The following SNTG1 variants were observed in gnomAD, a reference collection of about 807,000 sequenced individuals.
The protein encoded by SNTG1 is syntrophin gamma 1, also known as gamma-1-syntrophin.
SNTG1 carries 39 observed loss-of-function variants against 74.7 expected under a neutral mutation model. The ratio of observed to expected loss-of-function variants is 0.52; its 90% CI spans 0.40 to 0.68. The LOEUF is 0.68. SNTG1 is among the 30% of genes least tolerant of loss of function. The pLI is 0.00. For synonymous variants in SNTG1, 254 were observed against 217.1 expected (o/e 1.17, Z -1.49); for missense variants, 685 against 609.5 (o/e 1.12, Z -1.30).
At chr8:50,601,907 T>C (rs1308490183) in intron 13 of SNTG1, among the ~76,000 whole-genome samples, 1 of 152,178 alleles carries the variant, frequency 6.6e-6, no homozygotes, top group Non-Finnish European at 1.5e-5. Context: ...TGTCTTGAAA[T>C]ATATTTTGTC....
intron 1 of SNTG1, among the ~76,000 whole-genome samples, chr8:50,066,079 GT>G (rs1162752075): frequency 1.3e-5 from 2 of 152,126 alleles, no homozygotes; most frequent in African/African-American, 4.8e-5. Flanking sequence ...GCTGGCCATG[GT>G]GGCACACGCC....
intron 15 of SNTG1, among the ~76,000 whole-genome samples, chr8:50,699,331 G>T (rs912200560): frequency 3.9e-5 from 6 of 152,052 alleles, no homozygotes; most frequent in Non-Finnish European, 7.4e-5. Context: ...AGCTTTTTGG[G>T]AATGAAAGGA....
intron 2 of SNTG1, among the ~76,000 whole-genome samples, chr8:50,265,116 T>C (rs1438910473): frequency 6.6e-6 from 1 of 152,054 alleles, no homozygotes; most frequent in South Asian, 2.1e-4. Context: ...GAGTGAACAC[T>C]CCTAACTCAT....
At chr8:50,715,691 G>T (rs900023570) in intron 17 of SNTG1, among the ~76,000 whole-genome samples, 4 of 152,052 alleles carry the variant, frequency 2.6e-5, no homozygotes, top group Non-Finnish European at 4.4e-5. Context: ...GAGGATGTTT[G>T]TTAAAACCCA....
At chr8:50,491,714 T>C (rs1311708447) in intron 8 of SNTG1, among the ~76,000 whole-genome samples, 3 of 151,910 alleles carry the variant, frequency 2.0e-5, no homozygotes, top group Non-Finnish European at 4.4e-5. Context: ...TATTTATTTA[T>C]TTATTTATTT....
intron 17 of SNTG1, among the ~76,000 whole-genome samples, chr8:50,713,218 G>A (rs1419355131): frequency 1.3e-5 from 2 of 152,038 alleles, no homozygotes; most frequent in Non-Finnish European, 2.9e-5. Flanking sequence ...ATGGTATCAC[G>A]TTGTGGTTTT....
chr8:50,716,006 A>G (rs1234681125), intron 17 of SNTG1, among the ~76,000 whole-genome samples: 4 of 152,148 alleles, frequency 2.6e-5, no homozygotes, highest in Non-Finnish European at 1.5e-5. Context: ...TTAATTTTTA[A>G]AAATCTTTGA....
chr8:50,732,199 G>A (rs187162861), intron 17 of SNTG1, among the ~76,000 whole-genome samples: 1 of 151,822 alleles, frequency 6.6e-6, no homozygotes, highest in Admixed American at 6.6e-5. Flanking sequence ...GCAAATACCT[G>A]TTTAATAGTG....
At chr8:50,103,224 CTT>C (rs1363393666) in intron 1 of SNTG1, among the ~76,000 whole-genome samples, 1 of 152,184 alleles carries the variant, frequency 6.6e-6, no homozygotes, top group African/African-American at 2.4e-5. Flanking sequence ...TTTGTATCCT[CTT>C]TTATTTCATT....
intron 2 of SNTG1, among the ~76,000 whole-genome samples, chr8:50,304,637 G>C (rs1011269467): frequency 6.6e-6 from 1 of 151,966 alleles, no homozygotes; most frequent in African/African-American, 2.4e-5. Flanking sequence ...ACAAAAAAAA[G>C]TATTTAAAAA....
At chr8:49,918,460 C>T (rs1286571063) in intron 1 of SNTG1, among the ~76,000 whole-genome samples, 1 of 152,156 alleles carries the variant, frequency 6.6e-6, no homozygotes, top group Non-Finnish European at 1.5e-5. Flanking sequence ...CTGCAAATAT[C>T]CCTTCTTCCC....
chr8:50,363,154 C>T (rs919726042), intron 2 of SNTG1, among the ~76,000 whole-genome samples: 3 of 152,224 alleles, frequency 2.0e-5, no homozygotes, highest in South Asian at 2.1e-4. Context: ...CCAGATTTAG[C>T]GACTAAATCA....
chr8:50,189,603 A>G (rs1163134810), intron 2 of SNTG1, among the ~76,000 whole-genome samples: 11 of 152,144 alleles, frequency 7.2e-5, no homozygotes. Context: ...TGGGTAAAGG[A>G]TACTCTGTGT....
chr8:50,531,347 AG>A (rs1335249901), intron 10 of SNTG1, among the ~76,000 whole-genome samples: 2 of 151,920 alleles, frequency 1.3e-5, no homozygotes, highest in Non-Finnish European at 1.5e-5. Context: ...TTTTTGCCAA[AG>A]AAATAATTGC....
intron 1 of SNTG1, among the ~76,000 whole-genome samples, chr8:50,003,250 T>G (rs1385635205): frequency 6.6e-6 from 1 of 152,322 alleles, no homozygotes; most frequent in East Asian, 1.9e-4. Context: ...ATATAAAAAT[T>G]GTCTCACTAT....
chr8:50,306,821 C>T (rs1597427), intron 2 of SNTG1, among the ~76,000 whole-genome samples: 71,408 of 151,802 alleles, frequency 0.47, 19,360 homozygotes, highest in East Asian at 0.83. Context: ...AATATTATCT[C>T]CCATTCTGTG....
chr8:49,935,658 A>G (rs1808017719), intron 1 of SNTG1, among the ~76,000 whole-genome samples: 2 of 152,196 alleles, frequency 1.3e-5, no homozygotes, highest in African/African-American at 2.4e-5. Flanking sequence ...GTAGAACCCA[A>G]CTGATGTATG....
intron 17 of SNTG1, among the ~76,000 whole-genome samples, chr8:50,728,632 C>T (rs1298471697): frequency 6.6e-6 from 1 of 152,152 alleles, no homozygotes; most frequent in East Asian, 1.9e-4. Flanking sequence ...GTGGTAGAAG[C>T]TGGATCCTCC....
intron 8 of SNTG1, among the ~76,000 whole-genome samples, chr8:50,461,595 C>T (rs1259329525): frequency 6.6e-6 from 1 of 152,026 alleles, no homozygotes; most frequent in Non-Finnish European, 1.5e-5. Flanking sequence ...GGGATGTAAT[C>T]CAATACTATC....
Sources: gnomAD v4.1 joint callset for allele counts (sites outside exome capture counted in the v4.1 genomes callset) on GRCh38, gnomAD v4.1.1 for gene constraint, MANE v1.5 for transcripts, NCBI Gene and HGNC (gene_info 2026-07-23, HGNC 2026-07-21) for gene names.